EIPR1: variants seen among roughly 807,000 people sequenced by gnomAD.
EIPR1 encodes EARP and GARP complex-interacting protein 1.
A neutral mutation model predicts 48.1 loss-of-function variants in EIPR1; 25 were observed. That is an observed-to-expected ratio of 0.52 (90% CI 0.38 to 0.73). The LOEUF (loss-of-function observed/expected upper bound fraction) is 0.73. EIPR1 is among the 30% of genes least tolerant of loss of function. The pLI, the probability that EIPR1 is intolerant of heterozygous loss-of-function variation, is 0.00. For synonymous variants in EIPR1, 204 were observed against 201.9 expected (o/e 1.01, Z -0.09); for missense variants, 415 against 506.2 (o/e 0.82, Z 1.73).
At position 3,189,195 on chromosome 2, in the gene EIPR1, CT is replaced by C. The variant is rs1310392169; in HGVS notation, c.*138del. 8.9e-6 allele frequency: 8 copies of C among 902,038 alleles called. No individual in the cohort carries two copies. Among genetic ancestry groups the C allele is most frequent in the Non-Finnish European group, 1.1e-5 (7 of 635,370 alleles). The allele number at this position is 902,038 out of a possible 1,614,324, so 55.9% of individuals were successfully genotyped here. A position where few individuals can be genotyped will look rare whatever the true frequency, so the allele number is the denominator to read the frequency against. On this transcript the variant is annotated 3_prime_UTR_variant, in exon 9 of 9. Transcript: ENST00000382125. This position sits in a 1 kb window ranked among gnomAD's most constrained non-coding sequence, Gnocchi z 4.6. The stretch of plus-strand genomic sequence containing the variant: ...CCATTCACCCCATTCATAAATGCTG[CT>C]GCTACAGGAAGGGAACAGCGGCTCT...
At chr2:3,193,726 C>G (rs1021829636) in intron 7 of EIPR1, among the ~76,000 whole-genome samples, 1 of 152,146 alleles carries the variant, frequency 6.6e-6, no homozygotes, top group Non-Finnish European at 1.5e-5. Context: ...AATAATGTTG[C>G]GTGAACATCT....
In EIPR1 at chr2:3,208,421, C is replaced by G. The variant is rs1665308186; in HGVS notation, c.516+5728G>C. ...CCCAGATCTGGCACTCAGACCACGT[C>G]ACCTTCAGACACTTCCTCTGCTTCC... On this transcript the variant is annotated intron_variant, in intron 5 of 8. Transcript: ENST00000382125. The G allele has an allele frequency of 2.1e-5, 30 of 1,461,814 alleles. 1 individual carries two copies. In the South Asian group the frequency reaches 3.3e-4, roughly 16 times the overall value. The allele number at this position is 1,461,814 out of a possible 1,614,324, so 90.6% of individuals were successfully genotyped here.
At chr2:3,299,657 C>CA (rs1242574767) in intron 3 of EIPR1, among the ~76,000 whole-genome samples, 1 of 151,692 alleles carries the variant, frequency 6.6e-6, no homozygotes, top group Non-Finnish European at 1.5e-5. Flanking sequence ...CACACACACA[C>CA]ACTTTGAGTT....
At chr2:3,296,624 T>C (rs1382303863) in intron 3 of EIPR1, among the ~76,000 whole-genome samples, 1 of 134,852 alleles carries the variant, frequency 7.4e-6, no homozygotes, top group Non-Finnish European at 1.6e-5. Flanking sequence ...CCATCCTCTC[T>C]ACACACATAC....
chr2:3,371,945 C>T (rs28798406), intron 1 of EIPR1, among the ~76,000 whole-genome samples: 34,778 of 152,036 alleles, frequency 0.23, 5,028 homozygotes, highest in East Asian at 0.43. Flanking sequence ...TTCAGCACCA[C>T]GCCACACCTA....
intron 3 of EIPR1, among the ~76,000 whole-genome samples, chr2:3,308,629 G>T (rs1334011884): frequency 2.0e-5 from 3 of 152,194 alleles, no homozygotes; most frequent in African/African-American, 7.2e-5. Context: ...CTCGAATTTG[G>T]TGAAGGACGT....
chr2:3,211,086 G>A (rs1665437935), intron 5 of EIPR1, among the ~76,000 whole-genome samples: 2 of 152,172 alleles, frequency 1.3e-5, no homozygotes, highest in African/African-American at 2.4e-5. Flanking sequence ...ATTTACCTAC[G>A]TCGCAAACCT....
chr2:3,233,437 A>C (rs992654829), intron 4 of EIPR1, among the ~76,000 whole-genome samples: 1 of 152,226 alleles, frequency 6.6e-6, no homozygotes, highest in African/African-American at 2.4e-5. Flanking sequence ...GTAAGTGCTT[A>C]GAGCTATAAT....
intron 4 of EIPR1, among the ~76,000 whole-genome samples, chr2:3,223,802 T>A (rs1336038446): frequency 6.6e-6 from 1 of 152,114 alleles, no homozygotes; most frequent in African/African-American, 2.4e-5. Flanking sequence ...TGGAACGGCA[T>A]GGCGGCATGC....
chr2:3,257,580 T>A, intron 3 of EIPR1, 125 bp from the exon 4 acceptor site: 5 of 1,193,442 alleles, frequency 4.2e-6, no homozygotes, highest in Middle Eastern at 5.0e-4. Flanking sequence ...ATATGTACGA[T>A]TGCAGGCAGC....
In EIPR1 at chr2:3,377,763, G is replaced by A; in HGVS notation, c.-74C>T. ...GCTACGGCCGGCGCGTCCCCACCTC[G>A]CGGGCGTGTTCCCAGCGCCCATTCA... On this transcript the variant is annotated 5_prime_UTR_variant, in exon 1 of 9. Coordinates refer to ENST00000382125, the MANE Select transcript of EIPR1 (RefSeq NM_003310.5). 2 of 1,533,654 alleles carry A rather than the reference G, an allele frequency of 1.3e-6. No homozygotes were observed. The highest frequency in any genetic ancestry group is 1.8e-6 in the Non-Finnish European group (2 of 1,133,822).
chr2:3,369,116 C>G (rs1452990879), intron 1 of EIPR1, among the ~76,000 whole-genome samples: 1 of 152,194 alleles, frequency 6.6e-6, no homozygotes, highest in Non-Finnish European at 1.5e-5. Context: ...GTCCATGATA[C>G]TATCCGATAA....
intron 2 of EIPR1, among the ~76,000 whole-genome samples, chr2:3,342,588 G>A (rs762846334): frequency 1.1e-4 from 17 of 152,210 alleles, no homozygotes; most frequent in Non-Finnish European, 1.6e-4. Flanking sequence ...GCCTCCACCT[G>A]GGCCCGCCTT....
At position 3,267,603 on chromosome 2, in the gene EIPR1, C is replaced by T. The variant is rs192966505; in HGVS notation, c.260-10148G>A. Reference sequence around the variant, plus strand: ...TTGAGCTAGCAATTTGGTCTCACACCGCCAATTTGAAGGGCCACCAGAAGC... The same window carrying T: ...TTGAGCTAGCAATTTGGTCTCACACTGCCAATTTGAAGGGCCACCAGAAGC... On this transcript the variant is annotated intron_variant, in intron 3 of 8. Coordinates refer to ENST00000382125, the MANE Select transcript of EIPR1 (RefSeq NM_003310.5). Among the ~76,000 whole-genome samples the T allele has an allele frequency of 4.6e-5, 7 of 152,328 alleles. No homozygotes were observed. The East Asian group carries it at 1.2e-3, about 25-fold the overall frequency.
At chr2:3,365,893 G>A (rs551934031) in intron 1 of EIPR1, among the ~76,000 whole-genome samples, 30 of 152,088 alleles carry the variant, frequency 2.0e-4, no homozygotes, top group African/African-American at 6.3e-4. Flanking sequence ...CACAGACACG[G>A]CAACCATCCG....
chr2:3,283,562 G>A (rs567982775), intron 3 of EIPR1, among the ~76,000 whole-genome samples: 2 of 152,316 alleles, frequency 1.3e-5, no homozygotes, highest in East Asian at 3.9e-4. Flanking sequence ...GCCAAAACTC[G>A]CCATGCCTTC....
intron 1 of EIPR1, 137 bp from the exon 2 acceptor site, chr2:3,354,770 T>C: frequency 1.1e-6 from 1 of 870,844 alleles, no homozygotes; most frequent in East Asian, 2.7e-5. Flanking sequence ...TGGAAAGCAA[T>C]TTAGAAATAT....
At chr2:3,343,543 G>A (rs10179013) in intron 2 of EIPR1, among the ~76,000 whole-genome samples, 74,672 of 152,090 alleles carry the variant, frequency 0.49, 20,219 homozygotes, top group East Asian at 0.82. Flanking sequence ...AATCGTTTAT[G>A]ATAAAGATCA....
chr2:3,351,931 G>GCCATCCCACT (rs1454275115), intron 2 of EIPR1, among the ~76,000 whole-genome samples: 4 of 152,240 alleles, frequency 2.6e-5, no homozygotes, highest in Non-Finnish European at 5.9e-5. Flanking sequence ...GAAGTCTGGA[G>GCCATCCCACT]CCATCCCACT....
Sources: allele counts gnomAD v4.1 joint callset (sites outside exome capture counted in the v4.1 genomes callset), GRCh38; gene constraint gnomAD v4.1.1; non-coding constraint Gnocchi (gnomAD v3.1); transcripts MANE v1.5; gene names NCBI Gene and HGNC (gene_info 2026-07-23, HGNC 2026-07-21).